The following PARD3 variants were observed in gnomAD, a reference collection of about 807,000 sequenced individuals.
PARD3 encodes partitioning defective 3 homolog.
PARD3 carries 75 observed loss-of-function variants against 155.4 expected under a neutral mutation model. That is an observed-to-expected ratio of 0.48 (90% CI 0.40 to 0.58). The LOEUF (loss-of-function observed/expected upper bound fraction) is 0.58, where lower values mean the gene tolerates loss of function less well. Ranked by LOEUF, PARD3 falls within the 20% of genes least tolerant of loss-of-function variation. The pLI is 0.00. For missense variants in PARD3, 1,642 were observed against 1,721.7 expected (o/e 0.95, Z 0.82); for synonymous variants, 576 against 610.5 (o/e 0.94, Z 0.83).
chr10:34,279,280 C>T (rs1377881080), intron 21 of PARD3, among the ~76,000 whole-genome samples: 6 of 150,282 alleles, frequency 4.0e-5, no homozygotes, highest in Admixed American at 2.0e-4. Flanking sequence ...GTTAGGATTA[C>T]AAAGTGTTAG....
chr10:34,468,707 T>C (rs1333169341), intron 4 of PARD3, among the ~76,000 whole-genome samples: 2 of 152,162 alleles, frequency 1.3e-5, no homozygotes, highest in Non-Finnish European at 2.9e-5. Context: ...AGAAACTAAA[T>C]ATACTCTTTT....
chr10:34,658,121 G>A lies in PARD3; in HGVS notation c.222+38197C>T, dbSNP rs112852359. Among the ~76,000 whole-genome samples the A allele has an allele frequency of 3.6e-3, 549 of 151,288 alleles. 1 individual carries two copies. The highest frequency in any genetic ancestry group is 0.012 in the African/African-American group (508 of 41,218). On this transcript the variant is annotated intron_variant, in intron 2 of 24. Transcript: ENST00000374788. ...AGATTGCGCCACTGCACTCCAGCCT[G>A]GGCGACAGATCAAGACTCCGTCTCA...
intron 2 of PARD3, among the ~76,000 whole-genome samples, chr10:34,571,518 C>A (rs556570917): frequency 1.3e-4 from 20 of 152,190 alleles, no homozygotes; most frequent in African/African-American, 4.8e-4. Context: ...GAGGATTAAC[C>A]ATTGCAAATC....
chr10:34,177,256 T>C (rs1054532768), intron 22 of PARD3, among the ~76,000 whole-genome samples: 2 of 152,258 alleles, frequency 1.3e-5, no homozygotes, highest in South Asian at 2.1e-4. Flanking sequence ...TGGAAGGTAG[T>C]AGCAAAAAAT....
intron 3 of PARD3, among the ~76,000 whole-genome samples, chr10:34,511,299 G>C (rs928014831): frequency 2.0e-5 from 3 of 151,936 alleles, no homozygotes; most frequent in African/African-American, 7.3e-5. Context: ...TTTTTCATCA[G>C]GAGGCATACA....
intron 2 of PARD3, among the ~76,000 whole-genome samples, chr10:34,558,466 G>A (rs1187860830): frequency 2.0e-5 from 3 of 152,064 alleles, no homozygotes; most frequent in Non-Finnish European, 4.4e-5. Flanking sequence ...CCATGATTGG[G>A]GAATGAGTTC....
chr10:34,655,736 A>G (rs956396283), intron 2 of PARD3, among the ~76,000 whole-genome samples: 9 of 152,190 alleles, frequency 5.9e-5, no homozygotes, highest in African/African-American at 2.2e-4. Context: ...AGCCTGGAGG[A>G]TGACAATACA....
intron 22 of PARD3, among the ~76,000 whole-genome samples, chr10:34,134,207 G>T (rs1437646369): frequency 6.6e-6 from 1 of 152,196 alleles, no homozygotes; most frequent in African/African-American, 2.4e-5. Flanking sequence ...AGGCATGAGT[G>T]AGGATGGTTA....
chr10:34,814,247 G>A (rs1408128837), intron 1 of PARD3, among the ~76,000 whole-genome samples: 1 of 152,038 alleles, frequency 6.6e-6, no homozygotes, highest in African/African-American at 2.4e-5. Context: ...ACGCCTCCCC[G>A]ACCCCAAGCC....
chr10:34,601,750 T>G (rs201728004), intron 2 of PARD3, among the ~76,000 whole-genome samples: 1 of 152,228 alleles, frequency 6.6e-6, no homozygotes, highest in African/African-American at 2.4e-5. Flanking sequence ...TAAAAAATGA[T>G]AGCAAAGTTT....
rs1026327856 is a variant in PARD3, at chr10:34,643,904, G to A, written c.222+52414C>T. On this transcript the variant is annotated intron_variant, in intron 2 of 24. Transcript: ENST00000374788. ...TGCACTCTACCCTGGGCAACAGAGC[G>A]AGACCCTGTCTCCAAGTAAACAAAT... 5.3e-5 allele frequency among the ~76,000 whole-genome samples: 8 copies of A among 152,278 alleles called. No individual in the cohort carries two copies. In the East Asian group the frequency reaches 1.3e-3, roughly 26 times the overall value.
rs571259684 is a variant in PARD3, at chr10:34,347,958, G to C, written c.2218+7C>G. On this transcript the variant is annotated splice_region_variant and intron_variant, in intron 15 of 24. Coordinates refer to ENST00000374788, the MANE Select transcript of PARD3 (RefSeq NM_001184785.2). ...AGATGTGATAAACAGAGTTTTACCT[G>C]ACTCACCCATTATCCTACTGAGGGC... The C allele has an allele frequency of 1.0e-5, 16 of 1,606,632 alleles. No homozygotes were observed. In the African/African-American group the frequency reaches 2.1e-4, roughly 21 times the overall value.
intron 20 of PARD3, among the ~76,000 whole-genome samples, chr10:34,291,600 T>G (rs1340844513): frequency 6.6e-6 from 1 of 152,220 alleles, no homozygotes; most frequent in Non-Finnish European, 1.5e-5. Context: ...CTTGAAGGAT[T>G]TGTTAGGTCA....
intron 1 of PARD3, among the ~76,000 whole-genome samples, chr10:34,723,325 A>G (rs529499936): frequency 6.6e-6 from 1 of 152,342 alleles, no homozygotes; most frequent in South Asian, 2.1e-4. Context: ...TATTGACTTG[A>G]AAGGTTAGAG....
At chr10:34,175,693 C>A (rs1950001923) in intron 22 of PARD3, among the ~76,000 whole-genome samples, 1 of 152,024 alleles carries the variant, frequency 6.6e-6, no homozygotes, top group Non-Finnish European at 1.5e-5. Flanking sequence ...GCTAATAAAG[C>A]AAGTACTTTC....
At chr10:34,346,190 A>G (rs983072476) in intron 15 of PARD3, 23 of 1,106,868 alleles carry the variant, frequency 2.1e-5, no homozygotes, top group African/African-American at 3.3e-5. Context: ...AAACAATGTC[A>G]ACTATAATGC....
intron 16 of PARD3, among the ~76,000 whole-genome samples, chr10:34,340,663 T>C (rs1337908887): frequency 3.3e-5 from 5 of 152,178 alleles, no homozygotes; most frequent in Non-Finnish European, 7.4e-5. Context: ...TGTGTTCATG[T>C]GGAGAGTCAG....
At chr10:34,284,717 T>G (rs1362418979) in intron 20 of PARD3, among the ~76,000 whole-genome samples, 1 of 152,214 alleles carries the variant, frequency 6.6e-6, no homozygotes, top group Non-Finnish European at 1.5e-5. Context: ...ACATTCATCA[T>G]AGTTTAAAAA....
At chr10:34,609,708 T>A (rs1312167638) in intron 2 of PARD3, among the ~76,000 whole-genome samples, 1 of 152,136 alleles carries the variant, frequency 6.6e-6, no homozygotes. Flanking sequence ...CTGTTATTTT[T>A]ATCTTTTGTT....
Sources: allele counts gnomAD v4.1 joint callset (sites outside exome capture counted in the v4.1 genomes callset), GRCh38; gene constraint gnomAD v4.1.1; transcripts MANE v1.5; gene names NCBI Gene and HGNC (gene_info 2026-07-23, HGNC 2026-07-21).